Variants in GATB observed in about 807,000 individuals in gnomAD.
The protein encoded by GATB is glutamyl-tRNA(Gln) amidotransferase subunit B, mitochondrial.
A neutral mutation model predicts 62.3 loss-of-function variants in GATB; 39 were observed. The ratio of observed to expected loss-of-function variants is 0.63; its 90% CI spans 0.48 to 0.82. GATB has a LOEUF of 0.82. Among genes scored for constraint, GATB ranks in the 40% least tolerant of loss-of-function variants. The pLI, the probability that GATB is intolerant of heterozygous loss-of-function variation, is 0.00. For synonymous variants in GATB, 276 were observed against 258.9 expected, an observed-to-expected ratio of 1.07 and a Z score of -0.63; for missense variants, 670 against 684.0, an observed-to-expected ratio of 0.98 and a Z score of 0.23.
chr4:151,735,484 C>T (rs962138817), intron 2 of GATB, among the ~76,000 whole-genome samples: 2 of 151,840 alleles, frequency 1.3e-5, no homozygotes, highest in Non-Finnish European at 2.9e-5. Flanking sequence ...CACTTCTACA[C>T]CGCTGGTGGG....
chr4:151,685,384 C>G (rs1337879886), intron 10 of GATB, among the ~76,000 whole-genome samples: 1 of 152,210 alleles, frequency 6.6e-6, no homozygotes, highest in Non-Finnish European at 1.5e-5. Context: ...TCATCCCCCA[C>G]ACACTGCAGA....
At chr4:151,729,626 GA>G (rs559062523) in intron 2 of GATB, among the ~76,000 whole-genome samples, 12 of 149,762 alleles carry the variant, frequency 8.0e-5, no homozygotes, top group South Asian at 2.1e-4. Flanking sequence ...TCCAAAGGAG[GA>G]AAAAAAAAAT....
chr4:151,720,939 A>C (rs1461796310), intron 2 of GATB: 1 of 152,316 alleles, frequency 6.6e-6, no homozygotes, highest in African/African-American at 2.4e-5. Flanking sequence ...TACGGTCCCC[A>C]AAGAAAACCC....
At chr4:151,672,696 G>T in intron 12 of GATB, 66 bp downstream of exon 12, 5 of 1,544,082 alleles carry the variant, frequency 3.2e-6, no homozygotes, top group Non-Finnish European at 4.4e-6. Context: ...CACAGGGAGC[G>T]ATGGCGAGGC....
Position 151,719,453 on chromosome 4 carries a change from C to T in GATB, c.413G>A (p.Arg138Lys). The T allele has an allele frequency of 6.2e-7, 1 of 1,612,044 alleles. No individual in the cohort carries two copies. The highest frequency in any genetic ancestry group is 8.5e-7 in the Non-Finnish European group (1 of 1,179,096). Residue 138 changes from arginine to lysine, a missense_variant, in exon 3 of 13, where the codon AGG becomes AAG. By Grantham distance (26) the Arg-to-Lys change is conservative. Transcript: ENST00000263985. ...CHINKKSLFD[R>K]KHYFYADLPA... The stretch of plus-strand genomic sequence containing the variant: ...GAGGTCTGCATAGAAGTAGTGCTTC[C>T]TGTCAAACAAGGACTTCTTGTTTAT...
At chr4:151,703,824 CG>C in intron 8 of GATB, 26 bp downstream of exon 8, 1 of 1,486,652 alleles carries the variant, frequency 6.7e-7, no homozygotes, top group Non-Finnish European at 9.4e-7. Context: ...CGATATATAG[CG>C]GTATTTTGCC....
intron 2 of GATB, among the ~76,000 whole-genome samples, chr4:151,749,111 A>G (rs1358121823): frequency 1.3e-5 from 2 of 152,238 alleles, no homozygotes; most frequent in Non-Finnish European, 2.9e-5. Context: ...GCGATTCCTC[A>G]GGGATCTAGA....
At chr4:151,698,078 A>G (rs747499809) in intron 9 of GATB, among the ~76,000 whole-genome samples, 4 of 149,784 alleles carry the variant, frequency 2.7e-5, no homozygotes, top group Admixed American at 6.7e-5. Context: ...ATACCCCATG[A>G]TTCTCTGGGT....
In GATB at chr4:151,671,288, C is replaced by T; in HGVS notation, c.1560G>A (p.Lys520=). 1 of 1,610,086 alleles carries T rather than the reference C, an allele frequency of 6.2e-7. No homozygotes were observed. Among genetic ancestry groups the T allele is most frequent in the Non-Finnish European group, 8.5e-7 (1 of 1,179,454 alleles). Residue 520 remains lysine, a synonymous_variant, in exon 13 of 13, where the codon AAG becomes AAA. Coordinates refer to ENST00000263985, the MANE Select transcript of GATB (RefSeq NM_004564.3). ...EAHPQVVMDV[K]NRNPRAINKL... ...TATTTATAGCTCTGGGGTTTCTGTT[C>T]TTCACATCCATTACCTAGAAGGACA... is the stretch of plus-strand genomic sequence containing the variant.
At position 151,705,166 on chromosome 4, in the gene GATB, C is replaced by T; in HGVS notation, c.962+19G>A. On this transcript the variant is annotated intron_variant, in intron 7 of 12. Coordinates refer to ENST00000263985, the MANE Select transcript of GATB (RefSeq NM_004564.3). Reference sequence around the variant, plus strand: ...ACCACCCCCGGCTGTGGTCAGGACGCTCAGCAATGCGAACTCACCCCAGCT... The same window carrying T: ...ACCACCCCCGGCTGTGGTCAGGACGTTCAGCAATGCGAACTCACCCCAGCT... 6.3e-7 allele frequency: 1 copy of T among 1,591,732 alleles called. No individual in the cohort carries two copies. The highest frequency in any genetic ancestry group is 8.6e-7 in the Non-Finnish European group (1 of 1,159,962).
intron 5 of GATB, among the ~76,000 whole-genome samples, chr4:151,708,828 C>T (rs1236574534): frequency 1.3e-5 from 2 of 152,096 alleles, no homozygotes; most frequent in Non-Finnish European, 2.9e-5. Context: ...CCTGGAGGCC[C>T]CTCAGATTAG....
At chr4:151,735,154 G>C (rs1739343624) in intron 2 of GATB, among the ~76,000 whole-genome samples, 1 of 151,344 alleles carries the variant, frequency 6.6e-6, no homozygotes. Flanking sequence ...AACCCACAAA[G>C]TGGGAGAAAA....
At chr4:151,729,046 G>C (rs1739192700) in intron 2 of GATB, among the ~76,000 whole-genome samples, 1 of 152,192 alleles carries the variant, frequency 6.6e-6, no homozygotes, top group African/African-American at 2.4e-5. Flanking sequence ...TATCAGGACA[G>C]AGACTTTTAG....
At chr4:151,736,722 C>T (rs1411361115) in intron 2 of GATB, among the ~76,000 whole-genome samples, 8 of 152,178 alleles carry the variant, frequency 5.3e-5, no homozygotes, top group Admixed American at 2.0e-4. Context: ...ATCTTGAATT[C>T]CCACATGTTG....
chr4:151,725,889 T>C (rs74745845), intron 2 of GATB, among the ~76,000 whole-genome samples: 59 of 152,348 alleles, frequency 3.9e-4, no homozygotes, highest in African/African-American at 1.4e-3. Context: ...TTGCCCTCAA[T>C]TGGTGAGCCC....
At chr4:151,754,751 C>T (rs985738251) in intron 2 of GATB, among the ~76,000 whole-genome samples, 3 of 151,620 alleles carry the variant, frequency 2.0e-5, no homozygotes, top group Non-Finnish European at 4.4e-5. Context: ...TTCTTTTTCG[C>T]AATAAAAGTA....
At chr4:151,708,258 C>T (rs752388712) in intron 5 of GATB, among the ~76,000 whole-genome samples, 157 bp from the exon 6 acceptor site, 2 of 152,168 alleles carry the variant, frequency 1.3e-5, no homozygotes, top group Admixed American at 6.5e-5. Flanking sequence ...TGAAGTAGGT[C>T]GTGGCTGGTA....
intron 2 of GATB, among the ~76,000 whole-genome samples, chr4:151,729,341 GAA>G (rs1171043551): frequency 6.6e-6 from 1 of 152,138 alleles, no homozygotes; most frequent in East Asian, 1.9e-4. Flanking sequence ...GAAACAAAAA[GAA>G]AAAGGACTAA....
intron 5 of GATB, 151 bp downstream of exon 5, chr4:151,715,858 C>A: frequency 1.1e-6 from 1 of 901,434 alleles, no homozygotes. Context: ...AAACAAACAA[C>A]AACAACAAAA....
Sources: gnomAD v4.1 joint callset for allele counts (sites outside exome capture counted in the v4.1 genomes callset) on GRCh38, gnomAD v4.1.1 for gene constraint, MANE v1.5 for transcripts, NCBI Gene and HGNC (gene_info 2026-07-23, HGNC 2026-07-21) for gene names.